The following EFHB variants were observed in gnomAD, a reference collection of about 807,000 sequenced individuals.
The protein encoded by EFHB is EF-hand domain-containing family member B.
In EFHB, 91 loss-of-function variants were observed where a neutral mutation model predicts 87.2. The observed-to-expected ratio is 1.04, with a 90% confidence interval of 0.88 to 1.24. The LOEUF (loss-of-function observed/expected upper bound fraction) is 1.24. EFHB is among the 50% of genes most tolerant of loss of function. The pLI is 0.00. For synonymous variants in EFHB, 325 were observed against 333.6 expected, an observed-to-expected ratio of 0.97 and a Z score of 0.28; for missense variants, 1,084 against 998.8, an observed-to-expected ratio of 1.09 and a Z score of -1.15.
At chr3:19,944,912 A>C (rs1028698340) in intron 1 of EFHB, among the ~76,000 whole-genome samples, 1 of 152,164 alleles carries the variant, frequency 6.6e-6, no homozygotes, top group African/African-American at 2.4e-5. Flanking sequence ...GCCCTTAAAA[A>C]CCTTATAATT....
At position 19,918,224 on chromosome 3, in the gene EFHB, T is replaced by C; in HGVS notation, c.1177+8A>G. ...CCCCTTCCCACCCCTTATTTTTTTT[T>C]TTACTACCTTTGATGACTGCTGTCC... On this transcript the variant is annotated splice_region_variant and intron_variant, in intron 4 of 12. Coordinates refer to ENST00000295824, the MANE Select transcript of EFHB (RefSeq NM_144715.4). The C allele has an allele frequency of 6.4e-7, 1 of 1,551,560 alleles. No individual in the cohort carries two copies. The highest frequency in any genetic ancestry group is 2.3e-5 in the East Asian group (1 of 43,590).
Position 19,933,671 on chromosome 3 carries a change from A to G in EFHB, c.348T>C (p.Leu116=), listed in dbSNP as rs1465018526. ...TCCGTTCATGGGTATATCCTGCAAG[A>G]AGACTCTCATTTTCTAACCCCATTC... The part of the protein sequence containing the change: ...PGRMGLENES[L]LAGYTHERII... Residue 116 remains leucine (L), a synonymous_variant, in exon 1 of 13, where the codon CTT becomes CTC. Transcript: ENST00000295824. The G allele has an allele frequency of 1.2e-6, 2 of 1,613,990 alleles. No homozygotes were observed. Among genetic ancestry groups the G allele is most frequent in the Non-Finnish European group, 1.7e-6 (2 of 1,179,888 alleles).
chr3:19,882,649 A>G lies in EFHB; in HGVS notation c.2229T>C (p.Tyr743=). The change falls in exon 12 of 13, where the codon TAT becomes TAC. Residue 743 remains tyrosine (Y), a synonymous_variant. Transcript: ENST00000295824. ...GTGAATATGCACTACCTTCTTCACCATAATTAGTTCTGTCACTGATGCGAC... is the reference window on the plus strand; with the variant it reads ...GTGAATATGCACTACCTTCTTCACCGTAATTAGTTCTGTCACTGATGCGAC... ...RIRRISDRTN[Y]GEEGSAYSLL... is the part of the protein sequence containing the mutation. The G allele has an allele frequency of 6.2e-7, 1 of 1,613,818 alleles. No homozygotes were observed. The highest frequency in any genetic ancestry group is 8.5e-7 in the Non-Finnish European group (1 of 1,179,804).
chr3:19,928,603 C>A (rs764081575), intron 1 of EFHB, among the ~76,000 whole-genome samples: 1 of 152,130 alleles, frequency 6.6e-6, no homozygotes, highest in South Asian at 2.1e-4. Context: ...TGCCACCACA[C>A]CCAGCTAATT....
chr3:19,896,400 G>A (rs1279614946), intron 9 of EFHB: 2 of 434,698 alleles, frequency 4.6e-6, no homozygotes, highest in African/African-American at 4.0e-5. Flanking sequence ...TACAAAAGGG[G>A]TCAGCAAATG....
chr3:19,933,212 A>G lies in EFHB; in HGVS notation c.789+18T>C, dbSNP rs746000863. On this transcript the variant is annotated intron_variant, in intron 1 of 12. Transcript: ENST00000295824. Reference sequence around the variant, plus strand: ...CTATACACAGTTTAGTTCCTATGGAAAGTGGAAAAAAACTTACACTTGGCC... The same window carrying G: ...CTATACACAGTTTAGTTCCTATGGAGAGTGGAAAAAAACTTACACTTGGCC... The G allele has an allele frequency of 1.7e-5, 28 of 1,604,560 alleles. No individual in the cohort carries two copies. The highest frequency in any genetic ancestry group is 2.0e-5 in the Non-Finnish European group (24 of 1,174,308).
At chr3:19,926,625 G>A (rs2125160007) in intron 1 of EFHB, among the ~76,000 whole-genome samples, 1 of 151,810 alleles carries the variant, frequency 6.6e-6, no homozygotes, top group East Asian at 1.9e-4. Context: ...CTCCCAAAGT[G>A]CTGGGATTAC....
At position 19,933,439 on chromosome 3, in the gene EFHB, T is replaced by C. The variant is rs770722309; in HGVS notation, c.580A>G (p.Ile194Val). ...GGCCCCTCGGCTTGGGTTAGTCCAA[T>C]GTCCACCTCCACAGGAAGCTTAATC... ...TEIKLPVEVD[I>V]GLTQAEGPDE... The change falls in exon 1 of 13, where the codon ATT becomes GTT. Residue 194 changes from isoleucine to valine, a missense_variant. Coordinates refer to ENST00000295824, the MANE Select transcript of EFHB (RefSeq NM_144715.4). 3.7e-6 allele frequency: 6 copies of C among 1,613,912 alleles called. No individual in the cohort carries two copies. In the African/African-American group the frequency reaches 4.0e-5, roughly 11 times the overall value.
chr3:19,896,015 A>T (rs968750369), intron 9 of EFHB, among the ~76,000 whole-genome samples: 1 of 152,218 alleles, frequency 6.6e-6, no homozygotes, highest in African/African-American at 2.4e-5. Flanking sequence ...ACATTGAATG[A>T]TCTTACACTC....
rs555133595 is a variant in EFHB at position 19,891,821 on chromosome 3, A to G, written c.1726-3170T>C. Among the ~76,000 whole-genome samples the G allele has an allele frequency of 2.6e-5, 4 of 152,306 alleles. No homozygotes were observed. The East Asian group carries it at 7.7e-4, about 29-fold the overall frequency. On this transcript the variant is annotated intron_variant, in intron 9 of 12. Transcript: ENST00000295824. The stretch of plus-strand genomic sequence containing the variant: ...TGCCAACATTGCTGCCTGTACATAC[A>G]TGGCAACACACCCCCATTACACACA...
chr3:19,879,847 A>T (rs772172999), intron 12 of EFHB, 43 bp from the exon 13 acceptor site: 1 of 1,502,424 alleles, frequency 6.7e-7, no homozygotes, highest in Admixed American at 2.4e-5. Flanking sequence ...TATATGTTTT[A>T]AAACTTGTAA....
At position 19,896,667 on chromosome 3, in the gene EFHB, AG is replaced by A; in HGVS notation, c.1725+19del. The stretch of plus-strand genomic sequence containing the variant: ...TCTGTAAGCCCATGCATTACCAAAA[AG>A]CTCTCCCCCATTACTGGCCTTGTCA... On this transcript the variant is annotated intron_variant, in intron 9 of 12. Transcript: ENST00000295824. The A allele has an allele frequency of 1.2e-6, 2 of 1,613,912 alleles. No homozygotes were observed. Among genetic ancestry groups the A allele is most frequent in the Non-Finnish European group, 1.7e-6 (2 of 1,179,850 alleles).
At chr3:19,887,678 A>G in intron 10 of EFHB, among the ~76,000 whole-genome samples, 1 of 152,152 alleles carries the variant, frequency 6.6e-6, no homozygotes, top group East Asian at 1.9e-4. Context: ...AAAAAATCTC[A>G]TAGCGTTTTA....
chr3:19,887,665 G>A (rs572186257), intron 10 of EFHB, among the ~76,000 whole-genome samples: 29 of 152,070 alleles, frequency 1.9e-4, no homozygotes, highest in African/African-American at 6.3e-4. Flanking sequence ...ACAAAATGTC[G>A]CAAAAAAATC....
chr3:19,944,445 C>T (rs1438503231), intron 1 of EFHB, among the ~76,000 whole-genome samples: 2 of 152,184 alleles, frequency 1.3e-5, no homozygotes, highest in Admixed American at 1.3e-4. Flanking sequence ...ACATTTGACA[C>T]TAAAATATAT....
intron 5 of EFHB, among the ~76,000 whole-genome samples, chr3:19,914,519 C>T (rs531165107): frequency 8.4e-4 from 128 of 152,158 alleles, no homozygotes; most frequent in African/African-American, 2.8e-3. Flanking sequence ...AGACATGAAA[C>T]TTTAAGACAA....
chr3:19,889,423 C>T (rs918981752), intron 9 of EFHB, among the ~76,000 whole-genome samples: 8 of 152,158 alleles, frequency 5.3e-5, no homozygotes, highest in Non-Finnish European at 1.2e-4. Context: ...GTGAATTCTT[C>T]CTGCTATAAG....
At chr3:19,897,906 T>C (rs963622063) in intron 8 of EFHB, among the ~76,000 whole-genome samples, 3 of 152,234 alleles carry the variant, frequency 2.0e-5, no homozygotes. Flanking sequence ...ATTCTACCTG[T>C]CAATGAGTTG....
intron 10 of EFHB, among the ~76,000 whole-genome samples, chr3:19,887,309 C>T (rs528584970): frequency 3.3e-5 from 5 of 149,398 alleles, no homozygotes; most frequent in East Asian, 2.0e-4. Flanking sequence ...CACTTGAACC[C>T]GGCAGGTAGA....
Sources: gnomAD v4.1 joint callset for allele counts (sites outside exome capture counted in the v4.1 genomes callset) on GRCh38, gnomAD v4.1.1 for gene constraint, MANE v1.5 for transcripts, NCBI Gene and HGNC (gene_info 2026-07-23, HGNC 2026-07-21) for gene names.